Variants in SLC22A15 observed in about 807,000 individuals in gnomAD.
The protein encoded by SLC22A15 is solute carrier family 22 member 15, also known as flipt 1.
Under a neutral mutation model 62.7 loss-of-function variants are expected in SLC22A15, and 45 were observed. The ratio of observed to expected loss-of-function variants is 0.72; its 90% confidence interval spans 0.56 to 0.92. SLC22A15 has a LOEUF of 0.92. Among genes scored for constraint, SLC22A15 ranks in the 40% least tolerant of loss-of-function variants. SLC22A15 has a pLI of 0.00. For missense variants in SLC22A15, 622 were observed against 665.6 expected (o/e 0.93, Z 0.72); for synonymous variants, 264 against 267.0 (o/e 0.99, Z 0.11).
At chr1:116,035,774 C>T (rs1214416886) in intron 7 of SLC22A15, among the ~76,000 whole-genome samples, 1 of 152,156 alleles carries the variant, frequency 6.6e-6, no homozygotes, top group Non-Finnish European at 1.5e-5. Flanking sequence ...GCCCATCTTA[C>T]TTTGTTGAGG....
At chr1:116,058,255 TCAAA>T (rs539250051) in intron 8 of SLC22A15, among the ~76,000 whole-genome samples, 117 of 151,626 alleles carry the variant, frequency 7.7e-4, no homozygotes, top group Non-Finnish European at 1.4e-3. Context: ...TACAACAAAC[TCAAA>T]CAAATCAGTA....
intron 8 of SLC22A15, among the ~76,000 whole-genome samples, chr1:116,041,998 G>C (rs1234570572): frequency 1.3e-5 from 2 of 151,670 alleles, no homozygotes; most frequent in Middle Eastern, 3.4e-3. Flanking sequence ...ACAAAACTCA[G>C]AAAGATCAGT....
At chr1:116,008,921 C>T (rs1656114391) in intron 2 of SLC22A15, among the ~76,000 whole-genome samples, 1 of 152,120 alleles carries the variant, frequency 6.6e-6, no homozygotes, top group Non-Finnish European at 1.5e-5. Flanking sequence ...GTGTGTCAGA[C>T]TCATGAGGAG....
Position 116,064,422 on chromosome 1 carries a change from C to T in SLC22A15, c.1293-14C>T, listed in dbSNP as rs779552302. On this transcript the variant is annotated splice_polypyrimidine_tract_variant and intron_variant, in intron 9 of 11. Transcript: ENST00000369503. ...GCTAGAACTTACTGATGTATTTTTACTTATGCTTTTCAGGAATGTTGGGCT... is the reference window on the plus strand; with the variant it reads ...GCTAGAACTTACTGATGTATTTTTATTTATGCTTTTCAGGAATGTTGGGCT... The T allele has an allele frequency of 6.2e-7, 1 of 1,607,242 alleles. No individual in the cohort carries two copies. The highest frequency in any genetic ancestry group is 8.5e-7 in the Non-Finnish European group (1 of 1,174,008).
intron 2 of SLC22A15, among the ~76,000 whole-genome samples, chr1:115,998,923 T>G (rs1453692938): frequency 6.6e-6 from 1 of 152,168 alleles, no homozygotes; most frequent in Admixed American, 6.5e-5. Context: ...CTTATTGCAG[T>G]AAACTCTCCT....
chr1:116,031,288 T>C, intron 5 of SLC22A15, 78 bp from the exon 6 acceptor site: 1 of 1,084,480 alleles, frequency 9.2e-7, no homozygotes, highest in South Asian at 1.4e-5. Flanking sequence ...GGAATCCACG[T>C]ACTGAGTAGG....
chr1:116,063,289 G>T (rs1016299506), intron 9 of SLC22A15, among the ~76,000 whole-genome samples: 1 of 152,140 alleles, frequency 6.6e-6, no homozygotes, highest in Non-Finnish European at 1.5e-5. Context: ...ATTTTTAGAA[G>T]ATAATTTCAT....
rs1259757957 is a variant in SLC22A15 at position 116,067,218 on chromosome 1, A to C, written c.*110A>C. ...TTGTAAAAATAGAGGCTTGGCTTGAATGTACATAGATGGTACCTGGCATGG... is the reference window on the plus strand; with the variant it reads ...TTGTAAAAATAGAGGCTTGGCTTGACTGTACATAGATGGTACCTGGCATGG... On this transcript the variant is annotated 3_prime_UTR_variant, in exon 12 of 12. Coordinates refer to ENST00000369503, the MANE Select transcript of SLC22A15 (RefSeq NM_018420.3). 1.3e-5 allele frequency: 10 copies of C among 767,656 alleles called. No individual in the cohort carries two copies. The highest frequency in any genetic ancestry group is 2.0e-5 in the Non-Finnish European group (9 of 457,056). 47.6% of individuals were successfully genotyped at this position (767,656 alleles called of 1,614,324 possible). A position where few individuals can be genotyped will look rare whatever the true frequency, so the allele number is the denominator to read the frequency against.
intron 2 of SLC22A15, among the ~76,000 whole-genome samples, chr1:115,999,653 G>A (rs1237884037): frequency 6.6e-6 from 1 of 151,822 alleles, no homozygotes; most frequent in Non-Finnish European, 1.5e-5. Context: ...AAAGGTGTGT[G>A]CTACCATGCC....
rs1338961480 is a variant in SLC22A15 at position 116,062,827 on chromosome 1, G to T, written c.1237G>T (p.Ala413Ser). 2.5e-6 allele frequency: 4 copies of T among 1,613,820 alleles called. No homozygotes were observed. Among genetic ancestry groups the T allele is most frequent in the Non-Finnish European group, 3.4e-6 (4 of 1,179,806 alleles). The change falls in exon 9 of 12, where the codon GCT becomes TCT. Residue 413 changes from alanine (A) to serine (S), a missense_variant. By Grantham distance (99) the Ala-to-Ser change is moderately conservative (BLOSUM62 1). Transcript: ENST00000369503. The stretch of plus-strand genomic sequence containing the variant: ...CTTGCTGGGGAAGCTGACCATCAGT[G>T]CTGCCTTTAACATTGTTTATATCTA... ...LSLLGKLTIS[A>S]AFNIVYIYTS...
chr1:116,037,201 A>G, intron 7 of SLC22A15, 102 bp from the exon 8 acceptor site: 2 of 981,316 alleles, frequency 2.0e-6, no homozygotes, highest in Non-Finnish European at 3.2e-6. Flanking sequence ...GGAGATGAAC[A>G]TATATAATGA....
At chr1:116,027,143 G>C in intron 5 of SLC22A15, 121 bp downstream of exon 5, 1 of 941,946 alleles carries the variant, frequency 1.1e-6, no homozygotes, top group East Asian at 2.5e-5. Flanking sequence ...CTTTGGTGAA[G>C]AACTAAATTC....
At chr1:116,008,991 A>G (rs1656117414) in intron 2 of SLC22A15, among the ~76,000 whole-genome samples, 1 of 152,250 alleles carries the variant, frequency 6.6e-6, no homozygotes, top group Admixed American at 6.5e-5. Context: ...AGTAATGATT[A>G]CATTAAGCTT....
chr1:116,002,620 G>A (rs1655798614), intron 2 of SLC22A15, among the ~76,000 whole-genome samples: 1 of 151,156 alleles, frequency 6.6e-6, no homozygotes, highest in Non-Finnish European at 1.5e-5. Flanking sequence ...CTTTGCCCAT[G>A]GCCAACACTG....
intron 1 of SLC22A15, among the ~76,000 whole-genome samples, chr1:115,986,384 A>G (rs1191353631): frequency 6.6e-6 from 1 of 152,140 alleles, no homozygotes; most frequent in Non-Finnish European, 1.5e-5. Context: ...AATCATTGAA[A>G]ATTAGAGTTG....
At chr1:115,978,685 G>A (rs1654445642) in intron 1 of SLC22A15, among the ~76,000 whole-genome samples, 1 of 152,162 alleles carries the variant, frequency 6.6e-6, no homozygotes, top group Non-Finnish European at 1.5e-5. Context: ...GGGTATGAGA[G>A]TGGATATCCC....
At chr1:115,998,251 T>G (rs1399077053) in intron 2 of SLC22A15, among the ~76,000 whole-genome samples, 2 of 152,130 alleles carry the variant, frequency 1.3e-5, no homozygotes, top group Non-Finnish European at 2.9e-5. Flanking sequence ...TTCTTTTTTT[T>G]GGTGTGTCTT....
intron 5 of SLC22A15, among the ~76,000 whole-genome samples, chr1:116,029,741 A>T (rs929569601): frequency 6.6e-5 from 10 of 152,212 alleles, no homozygotes; most frequent in Non-Finnish European, 1.5e-4. Context: ...AGTAATTTTT[A>T]TTGCTTATAA....
intron 1 of SLC22A15, among the ~76,000 whole-genome samples, chr1:115,978,923 C>T (rs1654460817): frequency 1.3e-5 from 2 of 152,026 alleles, no homozygotes; most frequent in Admixed American, 1.3e-4. Flanking sequence ...GTTTTCGTAC[C>T]ATTGCCCAAG....
Sources: gnomAD v4.1 joint callset for allele counts (sites outside exome capture counted in the v4.1 genomes callset) on GRCh38, gnomAD v4.1.1 for gene constraint, MANE v1.5 for transcripts, NCBI Gene and HGNC (gene_info 2026-07-23, HGNC 2026-07-21) for gene names.